Variants in NIPAL3 observed in about 807,000 individuals in gnomAD.
NIPAL3 encodes the protein NIPA-like protein 3.
NIPAL3 carries 41 observed loss-of-function variants against 47.2 expected under a neutral mutation model. The ratio of observed to expected loss-of-function variants is 0.87; its 90% CI spans 0.68 to 1.13. The LOEUF is 1.13. NIPAL3 is among the 50% of genes most tolerant of loss of function. NIPAL3 has a pLI of 0.00. For synonymous variants in NIPAL3, 194 were observed against 209.6 expected (o/e 0.93, Z 0.64); for missense variants, 449 against 530.1 (o/e 0.85, Z 1.50).
At chr1:24,467,559 T>C (rs1290851832) in intron 11 of NIPAL3, among the ~76,000 whole-genome samples, 1 of 152,206 alleles carries the variant, frequency 6.6e-6, no homozygotes, top group Non-Finnish European at 1.5e-5. Flanking sequence ...TTACTAGCTG[T>C]GTGATCCCAG....
chr1:24,440,663 T>C (rs1645337186), intron 3 of NIPAL3, among the ~76,000 whole-genome samples: 1 of 152,228 alleles, frequency 6.6e-6, no homozygotes, highest in Non-Finnish European at 1.5e-5. Flanking sequence ...TCGGCCTGTC[T>C]GAGTTCACAA....
rs146494499 is a variant in NIPAL3, at chr1:24,452,778, C to T, written c.541-630C>T. Among the ~76,000 whole-genome samples the T allele has an allele frequency of 2.5e-3, 375 of 151,572 alleles. 1 individual carries two copies. Among genetic ancestry groups the T allele is most frequent in the Admixed American group, 4.5e-3 (69 of 15,240 alleles). On this transcript the variant is annotated intron_variant, in intron 6 of 11. Coordinates refer to ENST00000374399, the MANE Select transcript of NIPAL3 (RefSeq NM_020448.5). Reference sequence around the variant, plus strand: ...TGTCTCCCAGGATGGAGTGCAGTGGCGTGATCTCAGCAATTCTCCTGCCTC... The same window carrying T: ...TGTCTCCCAGGATGGAGTGCAGTGGTGTGATCTCAGCAATTCTCCTGCCTC...
At chr1:24,467,456 G>C (rs945359472) in intron 11 of NIPAL3, among the ~76,000 whole-genome samples, 1 of 152,084 alleles carries the variant, frequency 6.6e-6, no homozygotes, top group Non-Finnish European at 1.5e-5. Flanking sequence ...GGTCTGGGTG[G>C]ACAGAGTGAG....
At chr1:24,415,204 T>C (rs1643961629), upstream of NIPAL3, 1 of 152,142 alleles carries the variant, frequency 6.6e-6, no homozygotes, top group South Asian at 2.1e-4. Context: ...ATTATGTACA[T>C]TATAGAAACA....
chr1:24,418,435 A>G (rs1644160049), intron 1 of NIPAL3, among the ~76,000 whole-genome samples: 1 of 152,130 alleles, frequency 6.6e-6, no homozygotes, highest in South Asian at 2.1e-4. Flanking sequence ...GTTCAAGACC[A>G]GCCTGATAAC....
intron 10 of NIPAL3, among the ~76,000 whole-genome samples, chr1:24,463,306 C>T (rs1646559362): frequency 6.6e-6 from 1 of 152,190 alleles, no homozygotes; most frequent in African/African-American, 2.4e-5. Flanking sequence ...AAAGAACAGA[C>T]TAATTTCATC....
chr1:24,422,384 C>A (rs1644373748), intron 2 of NIPAL3, among the ~76,000 whole-genome samples: 1 of 152,116 alleles, frequency 6.6e-6, no homozygotes, highest in Non-Finnish European at 1.5e-5. Flanking sequence ...CTTCTCTATG[C>A]CTCAGTTTCT....
chr1:24,456,027 G>A, intron 7 of NIPAL3, 111 bp from the exon 8 acceptor site: 1 of 1,324,412 alleles, frequency 7.6e-7, no homozygotes, highest in East Asian at 2.3e-5. Context: ...CTCTGTTCCT[G>A]TTCCCTCCCC....
At position 24,416,246 on chromosome 1, in the gene NIPAL3, A is replaced by G. The variant is rs1043169292; in HGVS notation, c.-258+342A>G. 2.2e-5 allele frequency: 22 copies of G among 985,228 alleles called. No homozygotes were observed. The highest frequency in any genetic ancestry group is 2.4e-5 in the Non-Finnish European group (20 of 829,996). The allele number at this position is 985,228 out of a possible 1,614,324, so 61.0% of individuals were successfully genotyped here. On this transcript the variant is annotated intron_variant, in intron 1 of 11. Transcript: ENST00000374399. The surrounding 1 kb of genome is among the most constrained non-coding windows in gnomAD (Gnocchi z 4.8). ...TGGAGTTAGCAGGTGGGATGAGGGG[A>G]GGCGTTCTTGGTCTAAGCCCGCTTC... is the stretch of plus-strand genomic sequence containing the variant.
intron 2 of NIPAL3, among the ~76,000 whole-genome samples, chr1:24,438,295 T>G (rs1645216560): frequency 2.0e-5 from 3 of 152,138 alleles, no homozygotes; most frequent in Admixed American, 6.5e-5. Context: ...CTTTTCCAGG[T>G]GGGGGACACA....
intron 2 of NIPAL3, among the ~76,000 whole-genome samples, chr1:24,433,836 G>A (rs1449803798): frequency 6.6e-6 from 1 of 152,096 alleles, no homozygotes; most frequent in African/African-American, 2.4e-5. Flanking sequence ...GAACTATATA[G>A]GAGCAAAGTT....
intron 11 of NIPAL3, among the ~76,000 whole-genome samples, chr1:24,467,093 G>A (rs1646728646): frequency 6.6e-6 from 1 of 152,200 alleles, no homozygotes; most frequent in African/African-American, 2.4e-5. Flanking sequence ...AATGAGGACA[G>A]TAGTTCATCT....
At chr1:24,430,036 G>C (rs1178233383) in intron 2 of NIPAL3, among the ~76,000 whole-genome samples, 1 of 152,106 alleles carries the variant, frequency 6.6e-6, no homozygotes, top group African/African-American at 2.4e-5. Flanking sequence ...ATGAATATCT[G>C]AATGAGAAGA....
intron 2 of NIPAL3, among the ~76,000 whole-genome samples, chr1:24,437,595 G>A (rs1158573713): frequency 1.3e-5 from 2 of 152,160 alleles, no homozygotes; most frequent in Non-Finnish European, 2.9e-5. Context: ...CTGGAACCAG[G>A]AGGTCTGGAA....
chr1:24,421,126 C>T (rs750303205), intron 2 of NIPAL3, among the ~76,000 whole-genome samples: 26 of 151,768 alleles, frequency 1.7e-4, no homozygotes, highest in Non-Finnish European at 2.7e-4. Flanking sequence ...AAGACCAGCC[C>T]GGGCAAACAT....
intron 2 of NIPAL3, among the ~76,000 whole-genome samples, chr1:24,438,277 G>C (rs1467306872): frequency 6.6e-6 from 1 of 152,210 alleles, no homozygotes; most frequent in East Asian, 1.9e-4. Flanking sequence ...TCAGTTCCCA[G>C]CTCTGACCTT....
rs1435872767 is a variant in NIPAL3, at chr1:24,454,363, C to T, written c.637+859C>T. 6.6e-6 allele frequency: 7 copies of T among 1,066,286 alleles called. No individual in the cohort carries two copies. In the African/African-American group the frequency reaches 1.2e-4, roughly 18 times the overall value. 66.1% of individuals were successfully genotyped at this position (1,066,286 alleles called of 1,614,324 possible). A position where few individuals can be genotyped will look rare whatever the true frequency, so the allele number is the denominator to read the frequency against. On this transcript the variant is annotated intron_variant, in intron 7 of 11. Transcript: ENST00000374399. This position sits in a 1 kb window ranked among gnomAD's most constrained non-coding sequence, Gnocchi z 4.1. ...CCCTCCCTCCTTAAGCCACGCTGTC[C>T]ACTTCTCTAAAGGGGGGGCCTATGA...
chr1:24,465,425 G>T (rs909068371), intron 11 of NIPAL3: 1 of 149,182 alleles, frequency 6.7e-6, no homozygotes, highest in Non-Finnish European at 1.5e-5. Flanking sequence ...ATTTGTGTGT[G>T]TATATATATA....
rs773962283 is a variant in NIPAL3 at position 24,419,577 on chromosome 1, G to A, written c.30G>A (p.Lys10=). 11 of 1,613,902 alleles carry A rather than the reference G, an allele frequency of 6.8e-6. No individual in the cohort carries two copies. In the African/African-American group the frequency reaches 8.0e-5, roughly 12 times the overall value. The change falls in exon 2 of 12, where the codon AAG becomes AAA. Residue 10 remains lysine, a synonymous_variant. Transcript: ENST00000374399. ...ACGGATCCCACAGCGCAGCCCTGAA[G>A]CTGCAGCAGCTGCCTCCCACAAGTA... is the stretch of plus-strand genomic sequence containing the variant. The part of the protein sequence containing the change: MDGSHSAAL[K]LQQLPPTSSS...
Sources: allele counts gnomAD v4.1 joint callset (sites outside exome capture counted in the v4.1 genomes callset), GRCh38; gene constraint gnomAD v4.1.1; non-coding constraint Gnocchi (gnomAD v3.1); transcripts MANE v1.5; gene names NCBI Gene and HGNC (gene_info 2026-07-23, HGNC 2026-07-21).